TMEM131: variants seen among roughly 807,000 people sequenced by gnomAD.
TMEM131 encodes 2610524E03Rik.
TMEM131 carries 66 observed loss-of-function variants against 211.6 expected under a neutral mutation model. The ratio of observed to expected loss-of-function variants is 0.31; its 90% CI spans 0.26 to 0.38. TMEM131 has a LOEUF of 0.38. Among genes scored for constraint, TMEM131 ranks in the 10% least tolerant of loss-of-function variants. The pLI, the probability that TMEM131 is intolerant of heterozygous loss-of-function variation, is 1.00. For synonymous variants in TMEM131, 844 were observed against 841.3 expected, an observed-to-expected ratio of 1.00 and a Z score of -0.06; for missense variants, 2,036 against 2,299.3, an observed-to-expected ratio of 0.89 and a Z score of 2.34.
At chr2:97,982,329 G>A (rs1679834309) in intron 1 of TMEM131, among the ~76,000 whole-genome samples, 1 of 152,038 alleles carries the variant, frequency 6.6e-6, no homozygotes, top group African/African-American at 2.4e-5. Context: ...TAGGAGAAAT[G>A]CCTATTCAGA....
chr2:97,853,455 A>C (rs1373389334), intron 5 of TMEM131, among the ~76,000 whole-genome samples: 4 of 126,400 alleles, frequency 3.2e-5, no homozygotes, highest in Non-Finnish European at 6.9e-5. Flanking sequence ...AAAAAAAAAA[A>C]TGTAGCTGGC....
intron 1 of TMEM131, among the ~76,000 whole-genome samples, chr2:97,957,010 T>C (rs1218381987): frequency 1.1e-4 from 16 of 151,016 alleles, no homozygotes; most frequent in African/African-American, 2.9e-4. Context: ...GGCAGGAGAA[T>C]AGCTTGAACC....
chr2:97,816,405 C>G (rs1309794342), intron 12 of TMEM131, among the ~76,000 whole-genome samples: 1 of 152,072 alleles, frequency 6.6e-6, no homozygotes, highest in African/African-American at 2.4e-5. Flanking sequence ...TCAGTTGGGT[C>G]CAATCTAGGT....
At chr2:97,948,146 C>CA (rs1333840827) in intron 1 of TMEM131, among the ~76,000 whole-genome samples, 8 of 148,304 alleles carry the variant, frequency 5.4e-5, no homozygotes, top group Admixed American at 1.3e-4. Context: ...AAGTAGGATA[C>CA]AAAAAAGAAA....
At chr2:97,929,603 C>T (rs1677134996) in intron 1 of TMEM131, among the ~76,000 whole-genome samples, 1 of 151,748 alleles carries the variant, frequency 6.6e-6, no homozygotes, top group Non-Finnish European at 1.5e-5. Context: ...GCCAAGCATC[C>T]TTTTCTCCTT....
At chr2:97,943,260 A>C (rs1049294850) in intron 1 of TMEM131, among the ~76,000 whole-genome samples, 2 of 152,134 alleles carry the variant, frequency 1.3e-5, no homozygotes, top group African/African-American at 4.8e-5. Flanking sequence ...AAAAAATTTA[A>C]GTAACAAAAA....
At chr2:97,920,969 G>A (rs1455324298) in intron 2 of TMEM131, among the ~76,000 whole-genome samples, 5 of 109,066 alleles carry the variant, frequency 4.6e-5, no homozygotes, top group Non-Finnish European at 6.0e-5. Context: ...AAAAAATCCC[G>A]AGTGTGTGTG....
At chr2:97,801,178 G>A (rs1681017819) in intron 25 of TMEM131, among the ~76,000 whole-genome samples, 1 of 152,178 alleles carries the variant, frequency 6.6e-6, no homozygotes, top group African/African-American at 2.4e-5. Flanking sequence ...CAATGGTAAG[G>A]GCAAGGCTTC....
chr2:97,910,211 A>G (rs1351369677), intron 2 of TMEM131, among the ~76,000 whole-genome samples: 3 of 136,222 alleles, frequency 2.2e-5, no homozygotes, highest in Admixed American at 2.1e-4. Flanking sequence ...ACTATTTAAA[A>G]TTTTAAAAAG....
intron 18 of TMEM131, among the ~76,000 whole-genome samples, chr2:97,810,890 G>C (rs377045266): frequency 6.6e-6 from 1 of 152,166 alleles, no homozygotes; most frequent in African/African-American, 2.4e-5. Flanking sequence ...AATTCTAAAC[G>C]TGCTAAAGGC....
chr2:97,920,970 A>AGAGT (rs1553614615), intron 2 of TMEM131, among the ~76,000 whole-genome samples: 1 of 146,630 alleles, frequency 6.8e-6, no homozygotes, highest in Non-Finnish European at 1.5e-5. Flanking sequence ...AAAAATCCCG[A>AGAGT]GTGTGTGTGT....
chr2:97,943,085 GAA>G (rs1189881970), intron 1 of TMEM131, among the ~76,000 whole-genome samples: 2 of 142,822 alleles, frequency 1.4e-5, no homozygotes, highest in South Asian at 2.2e-4. Flanking sequence ...AAGAAAGAAA[GAA>G]AGAAAGAAAG....
At chr2:97,866,337 A>G (rs1480554988) in intron 4 of TMEM131, among the ~76,000 whole-genome samples, 3 of 152,264 alleles carry the variant, frequency 2.0e-5, no homozygotes, top group Non-Finnish European at 4.4e-5. Context: ...ACAGTTGTTC[A>G]TAAAATTGCC....
intron 2 of TMEM131, among the ~76,000 whole-genome samples, chr2:97,921,552 C>A (rs1041678873): frequency 6.6e-6 from 1 of 152,088 alleles, no homozygotes; most frequent in Non-Finnish European, 1.5e-5. Flanking sequence ...ATTACATAAG[C>A]CAAAAGGGCA....
intron 2 of TMEM131, chr2:97,911,739 AAAT>A: frequency 1.3e-6 from 1 of 743,804 alleles, no homozygotes; most frequent in Non-Finnish European, 1.6e-6. Context: ...CAAAACAGAA[AAAT>A]AATCATTTAA....
intron 19 of TMEM131, among the ~76,000 whole-genome samples, chr2:97,808,005 G>A (rs1019528885): frequency 6.6e-6 from 1 of 152,028 alleles, no homozygotes; most frequent in African/African-American, 2.4e-5. Flanking sequence ...AAAATGCTTG[G>A]GGCCAGAAGT....
intron 3 of TMEM131, among the ~76,000 whole-genome samples, chr2:97,890,053 T>C (rs2104271770): frequency 6.6e-6 from 1 of 152,286 alleles, no homozygotes; most frequent in South Asian, 2.1e-4. Flanking sequence ...TTTGGCGAGT[T>C]GAACAAGGAG....
At chr2:97,954,517 G>C (rs1242151640) in intron 1 of TMEM131, among the ~76,000 whole-genome samples, 1 of 152,182 alleles carries the variant, frequency 6.6e-6, no homozygotes, top group Non-Finnish European at 1.5e-5. Context: ...TGAAGAGAAA[G>C]ATCTCAGCCG....
At chr2:97,925,388 T>C (rs1179424916) in intron 2 of TMEM131, among the ~76,000 whole-genome samples, 1 of 152,194 alleles carries the variant, frequency 6.6e-6, no homozygotes, top group Non-Finnish European at 1.5e-5. Context: ...TGTGGATTTC[T>C]TCTGTTGAGA....
Sources: allele counts gnomAD v4.1 joint callset (sites outside exome capture counted in the v4.1 genomes callset), GRCh38; gene constraint gnomAD v4.1.1; transcripts MANE v1.5; gene names NCBI Gene and HGNC (gene_info 2026-07-23, HGNC 2026-07-21).